Variants in TLR6 observed in about 807,000 individuals in gnomAD.
The protein encoded by TLR6 is toll-like receptor 6.
TLR6 carries 9 observed loss-of-function variants against 16.1 expected under a neutral mutation model. That is an observed-to-expected ratio of 0.56 (90% CI 0.34 to 0.98). TLR6 has a LOEUF of 0.98. TLR6 is among the 50% of genes least tolerant of loss of function. The pLI is 0.02. For synonymous variants in TLR6, 340 were observed against 338.6 expected, an observed-to-expected ratio of 1.00 and a Z score of -0.04; for missense variants, 786 against 921.0, an observed-to-expected ratio of 0.85 and a Z score of 1.90.
At chr4:38,861,658 G>C (rs1713196015), upstream of TLR6, among the ~76,000 whole-genome samples, 1 of 152,134 alleles carries the variant, frequency 6.6e-6, no homozygotes, top group Non-Finnish European at 1.5e-5. Context: ...TGTATGACTA[G>C]ATCCCAGCCT....
chr4:38,847,704 C>A (rs531901860), intron 1 of TLR6, among the ~76,000 whole-genome samples: 2,054 of 152,236 alleles, frequency 0.013, 23 homozygotes, highest in Non-Finnish European at 0.024. Context: ...GCAGTCTGAG[C>A]TCAAACTGCA....
At chr4:38,850,254 C>G (rs1038989756) in intron 1 of TLR6, among the ~76,000 whole-genome samples, 1 of 152,164 alleles carries the variant, frequency 6.6e-6, no homozygotes, top group East Asian at 1.9e-4. Context: ...ATTTATAGCA[C>G]TAAATGCCCA....
At chr4:38,828,657 G>T (rs751855039) in exon 2 of TLR6, 1 of 1,614,034 alleles carries the variant, frequency 6.2e-7, no homozygotes, top group Non-Finnish European at 8.5e-7. Flanking sequence ...TTGGGCCAAA[G>T]AAATTGAAAG....
chr4:38,855,838 G>C (rs1270307067), intron 1 of TLR6, among the ~76,000 whole-genome samples: 1 of 148,974 alleles, frequency 6.7e-6, no homozygotes, highest in Non-Finnish European at 1.5e-5. Flanking sequence ...TGGAAGATTA[G>C]AGAGTTCACA....
At chr4:38,827,996 C>A (rs1230726617) in exon 2 of TLR6, 1 of 1,613,956 alleles carries the variant, frequency 6.2e-7, no homozygotes, top group Non-Finnish European at 8.5e-7. Context: ...GCTGCTAAAG[C>A]TGCCACATCC....
At chr4:38,846,307 G>A (rs989766256) in intron 1 of TLR6, among the ~76,000 whole-genome samples, 3 of 152,062 alleles carry the variant, frequency 2.0e-5, no homozygotes, top group Non-Finnish European at 4.4e-5. Context: ...CAACTAAACA[G>A]AAATAAAAGA....
At chr4:38,865,756 T>C in the TLR6 span, among the ~76,000 whole-genome samples, 1 of 152,246 alleles carries the variant, frequency 6.6e-6, no homozygotes, top group African/African-American at 2.4e-5. Flanking sequence ...GTTCAAAGTC[T>C]CGCTCAATTC....
upstream of TLR6, among the ~76,000 whole-genome samples, chr4:38,861,081 G>A (rs373261793): frequency 1.0e-3 from 158 of 152,114 alleles, 2 homozygotes; most frequent in African/African-American, 3.7e-3. Flanking sequence ...AGCCTGGGAG[G>A]TGGTGCAGGT....
intron 1 of TLR6, among the ~76,000 whole-genome samples, chr4:38,849,643 A>T (rs778214463): frequency 2.4e-4 from 37 of 151,266 alleles, no homozygotes; most frequent in Non-Finnish European, 4.7e-4. Flanking sequence ...CTCTGATAAA[A>T]CAAACTATAA....
chr4:38,829,216 G>A (rs1177281973), exon 2 of TLR6: 2 of 1,614,046 alleles, frequency 1.2e-6, no homozygotes, highest in African/African-American at 2.7e-5. Flanking sequence ...GCTGGATTCT[G>A]TTATGGGAAA....
chr4:38,853,401 A>C (rs1424504702), intron 1 of TLR6, among the ~76,000 whole-genome samples: 1 of 152,090 alleles, frequency 6.6e-6, no homozygotes, highest in Non-Finnish European at 1.5e-5. Flanking sequence ...AAGAATGCAC[A>C]CATTGTTCTT....
At chr4:38,866,232 C>T in the TLR6 span, among the ~76,000 whole-genome samples, 1 of 151,402 alleles carries the variant, frequency 6.6e-6, no homozygotes, top group African/African-American at 2.4e-5. Context: ...TGGCTCATGC[C>T]TGTAATCCCA....
downstream of TLR6, among the ~76,000 whole-genome samples, chr4:38,823,404 A>G (rs1419133741): frequency 2.0e-5 from 3 of 152,190 alleles, no homozygotes; most frequent in East Asian, 1.9e-4. Context: ...ACCAAAGTCA[A>G]AATTACCTAA....
intron 1 of TLR6, among the ~76,000 whole-genome samples, chr4:38,839,729 C>T (rs1015026875): frequency 6.6e-6 from 1 of 152,210 alleles, no homozygotes; most frequent in Admixed American, 6.5e-5. Context: ...GCCAACATTA[C>T]TTATTGTAAC....
rs202074616 is a variant in TLR6, at chr4:38,827,585, T to A, written c.1889A>T (p.Asn630Ile). 4.3e-6 allele frequency: 7 copies of A among 1,614,110 alleles called. No individual in the cohort carries two copies. Among genetic ancestry groups the A allele is most frequent in the Middle Eastern group, 1.6e-4 (1 of 6,084 alleles). Residue 630 changes from asparagine to isoleucine, a missense_variant, in exon 2 of 2, where the codon AAC (asparagine) becomes ATC (isoleucine). Transcript: ENST00000436693. ...TCTTTGGAGTTCTTCTAAGGGTATG[T>A]TCCTGGCCCTGCGCCGAGTCTGGGT... is the stretch of plus-strand genomic sequence containing the variant.
At chr4:38,823,389 G>A (rs1727401545), downstream of TLR6, among the ~76,000 whole-genome samples, 1 of 152,180 alleles carries the variant, frequency 6.6e-6, no homozygotes, top group African/African-American at 2.4e-5. Flanking sequence ...ACTCTATGAT[G>A]TTCAACCAAA....
intron 1 of TLR6, among the ~76,000 whole-genome samples, chr4:38,836,693 C>G (rs1372575070): frequency 6.6e-6 from 1 of 151,928 alleles, no homozygotes; most frequent in African/African-American, 2.4e-5. Flanking sequence ...AATCCCAGAA[C>G]TTTGGGAGGC....
chr4:38,852,735 G>T (rs1579260977), intron 1 of TLR6, among the ~76,000 whole-genome samples: 1 of 150,992 alleles, frequency 6.6e-6, no homozygotes, highest in Non-Finnish European at 1.5e-5. Context: ...GAAACAACAG[G>T]TGCTGGAGAG....
the TLR6 span, chr4:38,867,638 A>G: frequency 6.6e-6 from 1 of 151,060 alleles, no homozygotes; most frequent in Admixed American, 6.6e-5. Flanking sequence ...TTTCCAGGAG[A>G]CTCGCCCAGC....
Sources: gnomAD v4.1 joint callset for allele counts (sites outside exome capture counted in the v4.1 genomes callset) on GRCh38, gnomAD v4.1.1 for gene constraint, MANE v1.5 for transcripts, NCBI Gene and HGNC (gene_info 2026-07-23, HGNC 2026-07-21) for gene names.